The following FGD4 variants were observed in gnomAD, a reference collection of about 807,000 sequenced individuals.
FGD4 encodes FYVE, RhoGEF and PH domain-containing protein 4.
FGD4 carries 42 observed loss-of-function variants against 102.0 expected under a neutral mutation model. The ratio of observed to expected loss-of-function variants is 0.41; its 90% CI spans 0.32 to 0.53. The LOEUF (loss-of-function observed/expected upper bound fraction) is 0.53. FGD4 is among the 20% of genes least tolerant of loss of function. The pLI, the probability that FGD4 is intolerant of heterozygous loss-of-function variation, is 0.21. For synonymous variants in FGD4, 380 were observed against 375.7 expected, an observed-to-expected ratio of 1.01 and a Z score of -0.13; for missense variants, 902 against 1,078.2, an observed-to-expected ratio of 0.84 and a Z score of 2.29.
At chr12:32,459,055 C>G (rs1943026176) in intron 1 of FGD4, among the ~76,000 whole-genome samples, 1 of 152,062 alleles carries the variant, frequency 6.6e-6, no homozygotes, top group Admixed American at 6.5e-5. Flanking sequence ...AGTGATGATA[C>G]CTTCAGAAAT....
intron 4 of FGD4, among the ~76,000 whole-genome samples, chr12:32,592,464 T>C (rs1947564021): frequency 2.0e-5 from 3 of 152,236 alleles, no homozygotes; most frequent in Admixed American, 1.3e-4. Flanking sequence ...TAATAGTGCA[T>C]GACTATTACT....
At chr12:32,570,978 C>T (rs1180041667) in intron 2 of FGD4, among the ~76,000 whole-genome samples, 2 of 152,116 alleles carry the variant, frequency 1.3e-5, no homozygotes, top group African/African-American at 4.8e-5. Flanking sequence ...TAAAAATAGA[C>T]GTCTCATATA....
intron 1 of FGD4, among the ~76,000 whole-genome samples, chr12:32,534,846 C>T (rs1942111470): frequency 6.6e-6 from 1 of 152,136 alleles, no homozygotes; most frequent in South Asian, 2.1e-4. Flanking sequence ...CTGGTGTGAA[C>T]AAATGTTAAG....
At chr12:32,432,302 C>A (rs1353745315) in intron 1 of FGD4, among the ~76,000 whole-genome samples, 4 of 151,094 alleles carry the variant, frequency 2.6e-5, no homozygotes, top group African/African-American at 4.8e-5. Context: ...CCTCGTGATC[C>A]GCCTGCCTCG....
chr12:32,437,985 G>A (rs1168028333), intron 1 of FGD4, among the ~76,000 whole-genome samples: 1 of 152,088 alleles, frequency 6.6e-6, no homozygotes, highest in Non-Finnish European at 1.5e-5. Flanking sequence ...CTCTACTCTC[G>A]GGTTCAAGCG....
rs1165405317 is a variant in FGD4 at position 32,506,476 on chromosome 12, G to A, written c.167-57661G>A. Among the ~76,000 whole-genome samples, 1 of 152,104 alleles carries A rather than the reference G, an allele frequency of 6.6e-6. No individual in the cohort carries two copies. Among genetic ancestry groups the A allele is most frequent in the Non-Finnish European group, 1.5e-5 (1 of 68,016 alleles). ...AGGGAGGAGCCTGAGGAACGACTAT[G>A]GTCCACTCTAGGACATATCTGTCAC... is the stretch of plus-strand genomic sequence containing the variant. On this transcript the variant is annotated intron_variant, in intron 1 of 16. Transcript: ENST00000534526. This position sits in a 1 kb window ranked among gnomAD's most constrained non-coding sequence, Gnocchi z 4.5.
chr12:32,481,126 T>TGAAAAAAAAA, intron 1 of FGD4, among the ~76,000 whole-genome samples: 1 of 5,638 alleles, frequency 1.8e-4, no homozygotes, highest in Non-Finnish European at 4.0e-4. Context: ...AGACTCCGTC[T>TGAAAAAAAAA]CAAAAAAAAA....
intron 1 of FGD4, among the ~76,000 whole-genome samples, chr12:32,474,818 C>T (rs191883241): frequency 4.4e-4 from 67 of 152,172 alleles, no homozygotes; most frequent in Middle Eastern, 3.4e-3. Flanking sequence ...GCAAGAGGAT[C>T]GCTTGAGCCC....
chr12:32,564,048 A>AGGGGGAGGGAGT (rs1944969464), intron 1 of FGD4, 89 bp from the exon 2 acceptor site: 4 of 1,196,946 alleles, frequency 3.3e-6, no homozygotes, highest in Non-Finnish European at 4.5e-6. Flanking sequence ...GGGGAGGGAG[A>AGGGGGAGGGAGT]GGGAGTGGGA....
intron 1 of FGD4, among the ~76,000 whole-genome samples, chr12:32,473,821 C>T (rs887104844): frequency 6.6e-6 from 1 of 152,172 alleles, no homozygotes; most frequent in Non-Finnish European, 1.5e-5. Context: ...GGCGCGGTGG[C>T]TCATGCCTGT....
chr12:32,459,486 T>C (rs118118030), intron 1 of FGD4, among the ~76,000 whole-genome samples: 5,806 of 152,022 alleles, frequency 0.038, 172 homozygotes, highest in South Asian at 0.12. Flanking sequence ...AGCTACTGTG[T>C]CTGGCCAGAC....
rs10771973 is a variant in FGD4, at chr12:32,640,040, G to A, written c.2455-236G>A. ...CTCTTTTCACAGAGAGGAGGGTGTA[G>A]TGTCTCTGAGTCCTAGCTGATTTGG... On this transcript the variant is annotated intron_variant, in intron 16 of 16. Transcript: ENST00000534526. Among the ~76,000 whole-genome samples the A allele has an allele frequency of 0.27, 40,979 of 151,970 alleles. 5,874 individuals carry two copies. Among genetic ancestry groups the A allele is most frequent in the South Asian group, 0.42 (2,010 of 4,812 alleles).
At chr12:32,489,120 G>T (rs1944009708) in intron 1 of FGD4, among the ~76,000 whole-genome samples, 1 of 152,026 alleles carries the variant, frequency 6.6e-6, no homozygotes, top group Admixed American at 6.6e-5. Flanking sequence ...ATGCATCTCA[G>T]CCTCTTCTCT....
chr12:32,456,960 G>T (rs1185164007), intron 1 of FGD4, among the ~76,000 whole-genome samples: 1 of 152,104 alleles, frequency 6.6e-6, no homozygotes, highest in African/African-American at 2.4e-5. Context: ...ATTTGAATGT[G>T]CATTGTTTCT....
chr12:32,406,847 T>G (rs1023946605), intron 1 of FGD4, among the ~76,000 whole-genome samples: 2 of 152,114 alleles, frequency 1.3e-5, no homozygotes, highest in Admixed American at 6.5e-5. Context: ...AGAGTCTTGC[T>G]CTGTCACCCA....
Position 32,539,576 on chromosome 12 carries a change from GAA to G in FGD4, c.167-24550_167-24549del, listed in dbSNP as rs397796289. 6.1e-3 allele frequency among the ~76,000 whole-genome samples: 865 copies of G among 140,774 alleles called. 6 individuals are homozygous for G. The highest frequency in any genetic ancestry group is 0.02 in the African/African-American group (779 of 38,508). The allele number at this position is 140,774 out of a possible 152,430, so 92.4% of individuals were successfully genotyped here. On this transcript the variant is annotated intron_variant, in intron 1 of 16. Coordinates refer to ENST00000534526, the MANE Select transcript of FGD4 (RefSeq NM_001370298.3). Reference sequence around the variant, plus strand: ...AAGAGCGAAACTCTGTCTCAGGGGGGAAAAAAAAAAAAGCCAGTACATGAATT... The same window carrying G: ...AAGAGCGAAACTCTGTCTCAGGGGGGAAAAAAAAAAGCCAGTACATGAATT...
intron 1 of FGD4, among the ~76,000 whole-genome samples, chr12:32,486,544 A>G (rs1943906320): frequency 6.6e-6 from 1 of 152,060 alleles, no homozygotes; most frequent in Non-Finnish European, 1.5e-5. Flanking sequence ...TTCTATTTCT[A>G]ATATTTAAGA....
intron 1 of FGD4, among the ~76,000 whole-genome samples, chr12:32,487,607 A>G: frequency 6.6e-6 from 1 of 152,104 alleles, no homozygotes; most frequent in East Asian, 1.9e-4. Context: ...TTGTGTTTTT[A>G]GTAGAGACGA....
chr12:32,461,822 G>T (rs973741611), intron 1 of FGD4, among the ~76,000 whole-genome samples: 1 of 152,174 alleles, frequency 6.6e-6, no homozygotes, highest in Non-Finnish European at 1.5e-5. Flanking sequence ...TGCCTCCTGG[G>T]TTCAAGCAAT....
Sources: gnomAD v4.1 joint callset for allele counts (sites outside exome capture counted in the v4.1 genomes callset) on GRCh38, gnomAD v4.1.1 for gene constraint, Gnocchi (gnomAD v3.1) non-coding constraint, MANE v1.5 for transcripts, NCBI Gene and HGNC (gene_info 2026-07-23, HGNC 2026-07-21) for gene names.